LRRC4C: variants seen among roughly 807,000 people sequenced by gnomAD.
LRRC4C encodes the protein leucine-rich repeat-containing protein 4C.
LRRC4C carries 5 observed loss-of-function variants against 33.6 expected under a neutral mutation model. The ratio of observed to expected loss-of-function variants is 0.15; its 90% confidence interval spans 0.08 to 0.31. The LOEUF is 0.31. Among genes scored for constraint, LRRC4C ranks in the 10% least tolerant of loss-of-function variants. The pLI is 1.00. For missense variants in LRRC4C, 560 were observed against 796.7 expected, an observed-to-expected ratio of 0.70 and a Z score of 3.58; for synonymous variants, 329 against 302.0, an observed-to-expected ratio of 1.09 and a Z score of -0.93.
chr11:40,988,284 C>T (rs2030950087), intron 1 of LRRC4C, among the ~76,000 whole-genome samples: 1 of 152,140 alleles, frequency 6.6e-6, no homozygotes, highest in Non-Finnish European at 1.5e-5. Context: ...GGTACTTTGG[C>T]TCTGAGTTAT....
At chr11:40,688,102 C>T (rs766024113) in intron 2 of LRRC4C, among the ~76,000 whole-genome samples, 19 of 151,988 alleles carry the variant, frequency 1.3e-4, no homozygotes, top group Admixed American at 3.3e-4. Flanking sequence ...AGTCACTCAG[C>T]AACAGATTTG....
chr11:40,972,215 C>A (rs962447583), intron 1 of LRRC4C, among the ~76,000 whole-genome samples: 1 of 150,864 alleles, frequency 6.6e-6, no homozygotes, highest in African/African-American at 2.4e-5. Context: ...TGGCTCACTG[C>A]AACTTCCACA....
intron 2 of LRRC4C, among the ~76,000 whole-genome samples, chr11:40,750,371 T>A (rs1362856636): frequency 3.3e-5 from 5 of 151,968 alleles, no homozygotes; most frequent in Non-Finnish European, 4.4e-5. Context: ...AGCATTACCC[T>A]GATAACAAAA....
intron 3 of LRRC4C, among the ~76,000 whole-genome samples, chr11:40,428,300 T>G (rs1950791924): frequency 6.6e-6 from 1 of 152,156 alleles, no homozygotes; most frequent in African/African-American, 2.4e-5. Flanking sequence ...TATTGAAGAG[T>G]TGGCTTAGAA....
intron 2 of LRRC4C, among the ~76,000 whole-genome samples, chr11:40,816,594 T>C (rs1004142002): frequency 6.6e-6 from 1 of 152,174 alleles, no homozygotes; most frequent in Non-Finnish European, 1.5e-5. Flanking sequence ...TTTAGACACA[T>C]TCTTATAGAG....
chr11:41,356,896 G>A lies in LRRC4C; in HGVS notation c.-496+102535C>T, dbSNP rs560608505. ...TTGATGTGATAATACAAAAGAGAAA[G>A]CATCTGGCCAACGTTTCCCTCAAAT... On this transcript the variant is annotated intron_variant, in intron 1 of 6. Coordinates refer to ENST00000528697, the MANE Select transcript of LRRC4C (RefSeq NM_001258419.2). Among the ~76,000 whole-genome samples, 4 of 152,202 alleles carry A rather than the reference G, an allele frequency of 2.6e-5. No individual in the cohort carries two copies. In the South Asian group the frequency reaches 6.2e-4, roughly 24 times the overall value.
At chr11:40,380,130 G>T (rs575682039) in intron 3 of LRRC4C, among the ~76,000 whole-genome samples, 7 of 151,870 alleles carry the variant, frequency 4.6e-5, no homozygotes, top group African/African-American at 1.4e-4. Flanking sequence ...ACCCTTTTTT[G>T]TGGGAAATCA....
chr11:41,056,093 C>G (rs1475484661), intron 1 of LRRC4C, among the ~76,000 whole-genome samples: 6 of 152,074 alleles, frequency 3.9e-5, no homozygotes, highest in Non-Finnish European at 7.4e-5. Flanking sequence ...AAATATCACT[C>G]TAGAAATATC....
intron 3 of LRRC4C, among the ~76,000 whole-genome samples, chr11:40,398,245 A>G (rs1313003033): frequency 6.6e-6 from 1 of 152,114 alleles, no homozygotes; most frequent in Non-Finnish European, 1.5e-5. Context: ...AAAAAATATA[A>G]ATACTATTCA....
At chr11:40,328,201 GC>G (rs1250734897) in intron 3 of LRRC4C, among the ~76,000 whole-genome samples, 2 of 152,106 alleles carry the variant, frequency 1.3e-5, no homozygotes, top group Non-Finnish European at 2.9e-5. Context: ...AATATTCTAT[GC>G]CACAGTATTT....
intron 2 of LRRC4C, among the ~76,000 whole-genome samples, chr11:40,881,000 G>T (rs1412036001): frequency 6.6e-6 from 1 of 151,810 alleles, no homozygotes; most frequent in Admixed American, 6.6e-5. Context: ...CAGAGAATAA[G>T]CAACATTCTT....
intron 1 of LRRC4C, among the ~76,000 whole-genome samples, chr11:40,943,234 G>A (rs746749276): frequency 1.3e-5 from 2 of 152,148 alleles, no homozygotes; most frequent in South Asian, 4.1e-4. Context: ...CACTTACAAC[G>A]TTTTGTTCTC....
intron 1 of LRRC4C, among the ~76,000 whole-genome samples, chr11:41,089,599 A>G (rs1200230423): frequency 6.6e-6 from 1 of 152,136 alleles, no homozygotes; most frequent in African/African-American, 2.4e-5. Context: ...TTTTGTAAAA[A>G]AAAAATTGGT....
At chr11:40,645,550 C>CA (rs1392171327) in intron 3 of LRRC4C, among the ~76,000 whole-genome samples, 1 of 152,166 alleles carries the variant, frequency 6.6e-6, no homozygotes, top group Non-Finnish European at 1.5e-5. Context: ...ATTCCAGTAG[C>CA]CACTGCAAAG....
chr11:41,158,360 G>T (rs992183905), intron 1 of LRRC4C, among the ~76,000 whole-genome samples: 3 of 152,018 alleles, frequency 2.0e-5, no homozygotes, highest in African/African-American at 4.8e-5. Context: ...GTAATCATTA[G>T]ATTGGTTCCA....
chr11:40,479,807 T>C lies in LRRC4C; in HGVS notation c.-269-160086A>G, dbSNP rs557939853. Among the ~76,000 whole-genome samples the C allele has an allele frequency of 1.9e-4, 29 of 152,202 alleles. No individual in the cohort carries two copies. The South Asian group carries it at 5.4e-3, about 28-fold the overall frequency. On this transcript the variant is annotated intron_variant, in intron 3 of 6. Coordinates refer to ENST00000528697, the MANE Select transcript of LRRC4C (RefSeq NM_001258419.2). ...TGAGGTAAGAGGTAACCACATAGTT[T>C]TCTTTATTAGAAAGAACACAGGTTT...
chr11:41,430,343 T>G (rs1299454729), intron 1 of LRRC4C, among the ~76,000 whole-genome samples: 1 of 152,180 alleles, frequency 6.6e-6, no homozygotes, highest in Admixed American at 6.6e-5. Context: ...AATACTATGC[T>G]TCTCCTTAGG....
intron 3 of LRRC4C, among the ~76,000 whole-genome samples, chr11:40,555,924 A>G (rs1957315500): frequency 6.6e-6 from 1 of 152,216 alleles, no homozygotes; most frequent in Non-Finnish European, 1.5e-5. Context: ...ATTTATTTTC[A>G]ATGTTCCTTA....
chr11:40,819,431 T>A (rs1476016086), intron 2 of LRRC4C, among the ~76,000 whole-genome samples: 1 of 152,146 alleles, frequency 6.6e-6, no homozygotes, highest in Non-Finnish European at 1.5e-5. Flanking sequence ...TGGATGGAGA[T>A]TCAGCCAGAG....
Sources: allele counts gnomAD v4.1 joint callset (sites outside exome capture counted in the v4.1 genomes callset), GRCh38; gene constraint gnomAD v4.1.1; transcripts MANE v1.5; gene names NCBI Gene and HGNC (gene_info 2026-07-23, HGNC 2026-07-21).